The following ATRNL1 variants were observed in gnomAD, a reference collection of about 807,000 sequenced individuals.
ATRNL1 encodes attractin like 1.
A neutral mutation model predicts 182.7 loss-of-function variants in ATRNL1; 95 were observed. That is an observed-to-expected ratio of 0.52 (90% CI 0.44 to 0.62). The LOEUF is 0.62. Among genes scored for constraint, ATRNL1 ranks in the 20% least tolerant of loss-of-function variants. The pLI is 0.00. For missense variants in ATRNL1, 1,471 were observed against 1,679.5 expected, an observed-to-expected ratio of 0.88 and a Z score of 2.17; for synonymous variants, 576 against 568.3, an observed-to-expected ratio of 1.01 and a Z score of -0.19.
chr10:115,910,789 A>C (rs531654572), intron 28 of ATRNL1, among the ~76,000 whole-genome samples: 5 of 152,298 alleles, frequency 3.3e-5, no homozygotes, highest in Admixed American at 3.3e-4. Flanking sequence ...ACACAAAGAA[A>C]TGAGAGTAAC....
intron 27 of ATRNL1, among the ~76,000 whole-genome samples, chr10:115,771,052 T>C (rs1298828909): frequency 6.6e-6 from 1 of 152,080 alleles, no homozygotes; most frequent in Non-Finnish European, 1.5e-5. Flanking sequence ...ATGTAGAAAT[T>C]GAAGCTCACA....
chr10:115,235,125 T>A (rs1158722194), intron 9 of ATRNL1, among the ~76,000 whole-genome samples: 1 of 152,198 alleles, frequency 6.6e-6, no homozygotes, highest in Non-Finnish European at 1.5e-5. Flanking sequence ...TTATCTGATG[T>A]TTCTGCATGA....
intron 19 of ATRNL1, among the ~76,000 whole-genome samples, chr10:115,388,599 A>G (rs1554953282): frequency 6.6e-6 from 1 of 151,946 alleles, no homozygotes; most frequent in Non-Finnish European, 1.5e-5. Context: ...AGTTAAGCCT[A>G]TTCATCTTCA....
At chr10:115,658,090 C>CTTTTTTTTTT (rs71010038) in intron 26 of ATRNL1, among the ~76,000 whole-genome samples, 2 of 90,284 alleles carry the variant, frequency 2.2e-5, no homozygotes. Flanking sequence ...AATTTTTTTC[C>CTTTTTTTTTT]TTTTTTTTTT....
chr10:115,517,080 CAT>C (rs1289026621), intron 24 of ATRNL1, among the ~76,000 whole-genome samples: 1 of 151,908 alleles, frequency 6.6e-6, no homozygotes, highest in Non-Finnish European at 1.5e-5. Context: ...AATATTTTTA[CAT>C]GATTTAAATG....
chr10:115,848,462 C>A (rs757650377), intron 28 of ATRNL1, among the ~76,000 whole-genome samples: 8 of 152,146 alleles, frequency 5.3e-5, no homozygotes, highest in Admixed American at 4.6e-4. Context: ...GATAGCTTCA[C>A]GCAACCATCT....
intron 27 of ATRNL1, among the ~76,000 whole-genome samples, chr10:115,758,181 C>T (rs908757414): frequency 7.2e-5 from 11 of 152,044 alleles, no homozygotes; most frequent in Non-Finnish European, 1.5e-5. Context: ...CAAACTCATT[C>T]TCTGTCCCAT....
At chr10:115,596,333 C>T (rs1319303952) in intron 26 of ATRNL1, among the ~76,000 whole-genome samples, 2 of 152,068 alleles carry the variant, frequency 1.3e-5, no homozygotes, top group African/African-American at 2.4e-5. Flanking sequence ...CTTGAGCTCC[C>T]AACCTCAAGG....
At chr10:115,532,259 G>T (rs1365189404) in intron 25 of ATRNL1, among the ~76,000 whole-genome samples, 2 of 152,306 alleles carry the variant, frequency 1.3e-5, no homozygotes, top group Non-Finnish European at 2.9e-5. Flanking sequence ...TCCTACCCAT[G>T]AGCATGGAAT....
Position 115,215,746 on chromosome 10 carries a change from T to A in ATRNL1, c.1398T>A (p.Gly466=), listed in dbSNP as rs1554896050. The A allele has an allele frequency of 6.2e-7, 1 of 1,608,204 alleles. No individual in the cohort carries two copies. The highest frequency in any genetic ancestry group is 1.7e-5 in the Admixed American group (1 of 58,818). ...AAACTAAAGGAGCTATTGTACAAGG[T>A]GGATATGGCCATACTAGTGTGTATG... The part of the protein sequence containing the change: ...VPETKGAIVQ[G]GYGHTSVYDE... The change falls in exon 9 of 29, where the codon GGT becomes GGA. Residue 466 remains glycine, a synonymous_variant. Coordinates refer to ENST00000355044, the MANE Select transcript of ATRNL1 (RefSeq NM_207303.4).
At chr10:115,780,787 G>A (rs190316952) in intron 27 of ATRNL1, among the ~76,000 whole-genome samples, 109 of 152,250 alleles carry the variant, frequency 7.2e-4, no homozygotes, top group Non-Finnish European at 1.4e-3. Context: ...GCGTCTTTGG[G>A]CCCTTAAAAA....
In ATRNL1 at chr10:115,864,286, A is replaced by AG. The variant is rs57434597; in HGVS notation, c.4018+16296dup. Among the ~76,000 whole-genome samples the AG allele has an allele frequency of 5.6e-3, 848 of 151,852 alleles. 8 individuals carry two copies. The highest frequency in any genetic ancestry group is 0.019 in the African/African-American group (789 of 41,330). On this transcript the variant is annotated intron_variant, in intron 28 of 28. Transcript: ENST00000355044. Reference sequence around the variant, plus strand: ...AGTGTCACAAGAAAAAAAAAAAAAAAGAAGTGGGAGAGAAGAGAGCAGTGG... The same window carrying AG: ...AGTGTCACAAGAAAAAAAAAAAAAAAGGAAGTGGGAGAGAAGAGAGCAGTGG...
At chr10:115,537,513 A>G (rs1328012) in intron 25 of ATRNL1, among the ~76,000 whole-genome samples, 97,389 of 151,988 alleles carry the variant, frequency 0.64, 32,149 homozygotes, top group Non-Finnish European at 0.73. Flanking sequence ...TCAATATATT[A>G]TATGTAAATT....
chr10:115,388,550 C>T (rs685328), intron 19 of ATRNL1, among the ~76,000 whole-genome samples: 2 of 151,734 alleles, frequency 1.3e-5, no homozygotes, highest in African/African-American at 2.4e-5. Flanking sequence ...TCTACTTTAG[C>T]GCATGTAGTT....
intron 21 of ATRNL1, among the ~76,000 whole-genome samples, chr10:115,438,872 C>G (rs552565196): frequency 2.0e-5 from 3 of 151,648 alleles, no homozygotes; most frequent in Non-Finnish European, 4.4e-5. Context: ...CTACAGTTGA[C>G]CCTTGAACCC....
In ATRNL1 at chr10:115,211,504, G is replaced by A. The variant is rs143096094; in HGVS notation, c.1349-4193G>A. ...TTAGTTTTTAGAAGTTTAATTATGA[G>A]GTGTCTTGGCATGGATATCTTTGGG... On this transcript the variant is annotated intron_variant, in intron 8 of 28. Transcript: ENST00000355044. Among the ~76,000 whole-genome samples the A allele has an allele frequency of 5.9e-5, 9 of 151,658 alleles. No homozygotes were observed. The East Asian group carries it at 1.7e-3, about 29-fold the overall frequency.
chr10:115,795,086 T>A (rs1423405605), intron 27 of ATRNL1, among the ~76,000 whole-genome samples: 1 of 152,178 alleles, frequency 6.6e-6, no homozygotes, highest in Non-Finnish European at 1.5e-5. Context: ...TATGCCTCAG[T>A]GATTTCTCCA....
intron 1 of ATRNL1, among the ~76,000 whole-genome samples, chr10:115,118,437 G>T (rs1354847763): frequency 1.3e-5 from 2 of 152,220 alleles, no homozygotes; most frequent in East Asian, 3.9e-4. Context: ...TGTATCTTCT[G>T]TTAGGAGACT....
At chr10:115,744,969 G>T (rs2960648) in intron 27 of ATRNL1, among the ~76,000 whole-genome samples, 1 of 152,118 alleles carries the variant, frequency 6.6e-6, no homozygotes, top group African/African-American at 2.4e-5. Context: ...ATCACTGTTT[G>T]TTCTACAAGT....
Sources: gnomAD v4.1 joint callset for allele counts (sites outside exome capture counted in the v4.1 genomes callset) on GRCh38, gnomAD v4.1.1 for gene constraint, MANE v1.5 for transcripts, NCBI Gene and HGNC (gene_info 2026-07-23, HGNC 2026-07-21) for gene names.